Variants in CNTNAP2 observed in about 807,000 individuals in gnomAD.
The protein encoded by CNTNAP2 is contactin associated protein 2.
A neutral mutation model predicts 155.2 loss-of-function variants in CNTNAP2; 98 were observed. That is an observed-to-expected ratio of 0.63 (90% CI 0.54 to 0.75). CNTNAP2 has a LOEUF of 0.75. Among genes scored for constraint, CNTNAP2 ranks in the 30% least tolerant of loss-of-function variants. CNTNAP2 has a pLI of 0.00. For synonymous variants in CNTNAP2, 651 were observed against 631.2 expected, an observed-to-expected ratio of 1.03 and a Z score of -0.47; for missense variants, 1,727 against 1,688.1, an observed-to-expected ratio of 1.02 and a Z score of -0.40.
chr7:146,733,186 A>G (rs931427295), intron 1 of CNTNAP2, among the ~76,000 whole-genome samples: 1 of 152,160 alleles, frequency 6.6e-6, no homozygotes, highest in African/African-American at 2.4e-5. Context: ...CCCACGGGAA[A>G]TAGGTACTTA....
chr7:148,209,826 A>C (rs1010971620), intron 18 of CNTNAP2, among the ~76,000 whole-genome samples: 20 of 152,294 alleles, frequency 1.3e-4, no homozygotes, highest in Non-Finnish European at 2.6e-4. Context: ...CGACCTTTCT[A>C]TCTAGCCTCA....
intron 4 of CNTNAP2, among the ~76,000 whole-genome samples, chr7:147,076,312 A>G (rs966496726): frequency 3.9e-5 from 6 of 152,174 alleles, no homozygotes; most frequent in Non-Finnish European, 8.8e-5. Context: ...TGACTTGTTA[A>G]TGAACACCAT....
Position 147,574,400 on chromosome 7 carries a change from A to G in CNTNAP2, c.1897+12143A>G, listed in dbSNP as rs537970444. Among the ~76,000 whole-genome samples the G allele has an allele frequency of 5.9e-5, 9 of 152,186 alleles. No individual in the cohort carries two copies. In the South Asian group the frequency reaches 1.9e-3, roughly 32 times the overall value. On this transcript the variant is annotated intron_variant, in intron 12 of 23. Transcript: ENST00000361727. ...TGGAGCTTTACTGTGGGTTAGAGTA[A>G]CAATTATGTCCTGGCTTGCTCAGTA...
chr7:147,963,816 A>G (rs1801158116), intron 14 of CNTNAP2, among the ~76,000 whole-genome samples: 1 of 152,132 alleles, frequency 6.6e-6, no homozygotes, highest in African/African-American at 2.4e-5. Flanking sequence ...ATTGTTACAT[A>G]TTAGTATACC....
intron 1 of CNTNAP2, among the ~76,000 whole-genome samples, chr7:146,337,382 C>G (rs73465935): frequency 0.049 from 7,407 of 151,866 alleles, 641 homozygotes; most frequent in African/African-American, 0.17. Flanking sequence ...GGGCTAGATC[C>G]TAATCAGTAA....
intron 1 of CNTNAP2, among the ~76,000 whole-genome samples, chr7:146,283,527 C>A (rs764312884): frequency 3.3e-5 from 5 of 152,108 alleles, no homozygotes; most frequent in Admixed American, 1.3e-4. Flanking sequence ...GCCACTGTGC[C>A]TGGCTGGTTC....
At chr7:147,059,093 C>T (rs1429401319) in intron 4 of CNTNAP2, among the ~76,000 whole-genome samples, 1 of 152,220 alleles carries the variant, frequency 6.6e-6, no homozygotes, top group Non-Finnish European at 1.5e-5. Context: ...TCCTCCCTAC[C>T]TCTTAGGGTT....
At chr7:146,855,807 G>A (rs929927112) in intron 3 of CNTNAP2, among the ~76,000 whole-genome samples, 2 of 111,020 alleles carry the variant, frequency 1.8e-5, no homozygotes, top group Non-Finnish European at 3.8e-5. Context: ...GTGTTAATGA[G>A]TATATATATA....
In CNTNAP2 at chr7:147,347,420, T is replaced by TTA. The variant is rs137977529; in HGVS notation, c.1498+47148_1498+47149dup. Among the ~76,000 whole-genome samples the TTA allele has an allele frequency of 3.8e-3, 454 of 120,636 alleles. 1 individual carries two copies. The highest frequency in any genetic ancestry group is 0.011 in the South Asian group (40 of 3,626). The allele number at this position is 120,636 out of a possible 152,430, so 79.1% of individuals were successfully genotyped here. On this transcript the variant is annotated intron_variant, in intron 9 of 23. Coordinates refer to ENST00000361727, the MANE Select transcript of CNTNAP2 (RefSeq NM_014141.6). ...CTGTATTTCCTCTTATGTGAAAAGA[T>TTA]TATATATATATATATATATGCATAT... is the stretch of plus-strand genomic sequence containing the variant.
intron 13 of CNTNAP2, among the ~76,000 whole-genome samples, chr7:147,831,021 A>C (rs1032981403): frequency 2.0e-5 from 3 of 152,216 alleles, no homozygotes; most frequent in African/African-American, 7.2e-5. Flanking sequence ...CAGAAATCTT[A>C]ATCTTTGAGT....
At chr7:148,203,928 C>T (rs1795406882) in intron 18 of CNTNAP2, among the ~76,000 whole-genome samples, 1 of 152,138 alleles carries the variant, frequency 6.6e-6, no homozygotes, top group South Asian at 2.1e-4. Context: ...GGTATACCAT[C>T]ATAAACAGCA....
chr7:147,058,180 A>G (rs1027263222), intron 4 of CNTNAP2, among the ~76,000 whole-genome samples: 23 of 152,282 alleles, frequency 1.5e-4, no homozygotes, highest in African/African-American at 5.5e-4. Context: ...GGTTAATTGG[A>G]CATTTTCCTT....
At chr7:147,841,204 T>C (rs1049685998) in intron 13 of CNTNAP2, among the ~76,000 whole-genome samples, 1 of 152,190 alleles carries the variant, frequency 6.6e-6, no homozygotes, top group African/African-American at 2.4e-5. Context: ...GCCTCATTTC[T>C]TTGCTTTATT....
intron 21 of CNTNAP2, among the ~76,000 whole-genome samples, chr7:148,274,277 CG>C (rs1796833003): frequency 1.3e-5 from 2 of 152,026 alleles, no homozygotes; most frequent in Non-Finnish European, 2.9e-5. Context: ...GTTAAGCCAC[CG>C]AGACTATAGG....
intron 13 of CNTNAP2, among the ~76,000 whole-genome samples, chr7:147,848,462 C>T (rs34048954): frequency 9.0e-4 from 136 of 150,410 alleles, no homozygotes; most frequent in Admixed American, 1.3e-3. Flanking sequence ...GGCTCGCACA[C>T]GGTGCGCACA....
At chr7:147,796,300 C>T (rs908209446) in intron 13 of CNTNAP2, among the ~76,000 whole-genome samples, 3 of 152,178 alleles carry the variant, frequency 2.0e-5, no homozygotes, top group East Asian at 3.9e-4. Context: ...ACAGGAGACC[C>T]GCTCTAATTG....
intron 13 of CNTNAP2, among the ~76,000 whole-genome samples, chr7:147,763,127 C>T (rs989627467): frequency 7.9e-5 from 12 of 151,958 alleles, no homozygotes; most frequent in African/African-American, 2.2e-4. Context: ...AGCATGGAGG[C>T]GCATGCCTGT....
chr7:146,837,582 C>G (rs1420157461), intron 2 of CNTNAP2, among the ~76,000 whole-genome samples: 4 of 152,030 alleles, frequency 2.6e-5, no homozygotes. Flanking sequence ...GGTTCTAAGA[C>G]ATATTTTCCT....
At chr7:147,832,648 TTATATTTCAA>T (rs147258243) in intron 13 of CNTNAP2, among the ~76,000 whole-genome samples, 3,727 of 146,368 alleles carry the variant, frequency 0.025, 82 homozygotes, top group Non-Finnish European at 0.04. Flanking sequence ...ATATATAAAA[TTATATTTCAA>T]TATATTTCAA....
Sources: allele counts gnomAD v4.1 joint callset (sites outside exome capture counted in the v4.1 genomes callset), GRCh38; gene constraint gnomAD v4.1.1; transcripts MANE v1.5; gene names NCBI Gene and HGNC (gene_info 2026-07-23, HGNC 2026-07-21).